Variants in RASGRF2 observed in about 807,000 individuals in gnomAD.
RASGRF2 encodes Ras protein specific guanine nucleotide releasing factor 2, also known as ras-specific guanine nucleotide-releasing factor 2.
A neutral mutation model predicts 151.0 loss-of-function variants in RASGRF2; 76 were observed. That is an observed-to-expected ratio of 0.50 (90% CI 0.42 to 0.61). The LOEUF (loss-of-function observed/expected upper bound fraction) is 0.61. Among genes scored for constraint, RASGRF2 ranks in the 20% least tolerant of loss-of-function variants. RASGRF2 has a pLI of 0.00. For missense variants in RASGRF2, 1,148 were observed against 1,564.6 expected, an observed-to-expected ratio of 0.73 and a Z score of 4.49; for synonymous variants, 504 against 566.5, an observed-to-expected ratio of 0.89 and a Z score of 1.57.
intron 1 of RASGRF2, among the ~76,000 whole-genome samples, chr5:81,038,335 T>A (rs1561571082): frequency 6.6e-6 from 1 of 152,194 alleles, no homozygotes; most frequent in African/African-American, 2.4e-5. Context: ...TATATAATTC[T>A]TTCCGGTGCT....
chr5:80,978,631 A>G (rs1367690935), intron 1 of RASGRF2, among the ~76,000 whole-genome samples: 1 of 152,114 alleles, frequency 6.6e-6, no homozygotes, highest in African/African-American at 2.4e-5. Context: ...TACTGAAAAT[A>G]TAAAAATTAG....
In RASGRF2 at chr5:81,096,481, G is replaced by A. The variant is rs376333331; in HGVS notation, c.1755+1489G>A. On this transcript the variant is annotated intron_variant, in intron 12 of 26. Transcript: ENST00000265080. ...ATAGGCAGGCTCATAGGGAGCAAAA[G>A]GAAGTAAACAGCTAAATGCAAAAAA... 2.6e-5 allele frequency: 4 copies of A among 152,178 alleles called. No individual in the cohort carries two copies. In the South Asian group the frequency reaches 8.3e-4, roughly 32 times the overall value. 9.4% of individuals were successfully genotyped at this position (152,178 alleles called of 1,614,324 possible). A position where few individuals can be genotyped will look rare whatever the true frequency, so the allele number is the denominator to read the frequency against.
At chr5:80,968,188 T>A (rs541586868) in intron 1 of RASGRF2, among the ~76,000 whole-genome samples, 59 of 152,362 alleles carry the variant, frequency 3.9e-4, no homozygotes, top group Admixed American at 8.5e-4. Context: ...TTCCTCTTTT[T>A]ATTTTCATTA....
chr5:81,177,395 CTTTAGAAA>C (rs1754799659), intron 17 of RASGRF2, among the ~76,000 whole-genome samples: 1 of 151,846 alleles, frequency 6.6e-6, no homozygotes, highest in Non-Finnish European at 1.5e-5. Context: ...GGCCTCTGGC[CTTTAGAAA>C]CTTAGAGATT....
intron 1 of RASGRF2, among the ~76,000 whole-genome samples, chr5:80,977,842 T>C (rs1162419734): frequency 6.6e-6 from 1 of 152,232 alleles, no homozygotes; most frequent in Admixed American, 6.5e-5. Context: ...AAAGTTTGGA[T>C]GCTACAGATG....
At chr5:81,046,666 G>A (rs34108) in intron 2 of RASGRF2, among the ~76,000 whole-genome samples, 2 of 151,952 alleles carry the variant, frequency 1.3e-5, no homozygotes, top group Non-Finnish European at 2.9e-5. Context: ...TGGAACTCTG[G>A]ACATAAAAAA....
intron 1 of RASGRF2, among the ~76,000 whole-genome samples, chr5:80,977,685 G>C (rs1324319070): frequency 6.6e-6 from 1 of 152,190 alleles, no homozygotes; most frequent in Non-Finnish European, 1.5e-5. Context: ...TCGAACTACT[G>C]ACCTCAGGTG....
At chr5:80,984,950 C>G (rs1239189268) in intron 1 of RASGRF2, among the ~76,000 whole-genome samples, 2 of 152,168 alleles carry the variant, frequency 1.3e-5, no homozygotes, top group Non-Finnish European at 2.9e-5. Context: ...TGGCTTATGC[C>G]TGTAATTCCA....
rs75850630 is a variant in RASGRF2 at position 81,047,664 on chromosome 5, G to T, written c.395+4681G>T. 8.9e-3 allele frequency among the ~76,000 whole-genome samples: 1,356 copies of T among 152,322 alleles called. 85 individuals are homozygous for T. The East Asian group carries it at 0.17, about 19-fold the overall frequency. On this transcript the variant is annotated intron_variant, in intron 2 of 26. Coordinates refer to ENST00000265080, the MANE Select transcript of RASGRF2 (RefSeq NM_006909.3). ...AAAGCTCACAGTCAGATGGTGTTTG[G>T]CAAGGGCCTGACCTAACCCTTTGTT... is the stretch of plus-strand genomic sequence containing the variant.
chr5:81,065,371 C>T (rs1016685245), intron 2 of RASGRF2, among the ~76,000 whole-genome samples: 2 of 152,072 alleles, frequency 1.3e-5, no homozygotes, highest in Non-Finnish European at 2.9e-5. Context: ...AAGCCTTTCC[C>T]TTCTTGGTTC....
At chr5:81,192,734 A>C (rs1481032539) in intron 18 of RASGRF2, among the ~76,000 whole-genome samples, 3 of 152,220 alleles carry the variant, frequency 2.0e-5, no homozygotes, top group Non-Finnish European at 2.9e-5. Context: ...GTTCATGAAC[A>C]TGAGGAATGC....
intron 15 of RASGRF2, among the ~76,000 whole-genome samples, chr5:81,117,926 A>C (rs544420155): frequency 1.3e-5 from 2 of 152,236 alleles, no homozygotes; most frequent in East Asian, 1.9e-4. Flanking sequence ...AACTCTTAAG[A>C]CTCCAGAATA....
At chr5:81,147,756 A>G (rs956205845) in intron 17 of RASGRF2, among the ~76,000 whole-genome samples, 8 of 152,180 alleles carry the variant, frequency 5.3e-5, no homozygotes, top group African/African-American at 1.9e-4. Context: ...CCTCCTCTCT[A>G]CAGATTTTGC....
intron 17 of RASGRF2, among the ~76,000 whole-genome samples, chr5:81,137,934 G>T (rs1171861403): frequency 1.3e-5 from 2 of 152,232 alleles, no homozygotes; most frequent in African/African-American, 4.8e-5. Context: ...TAGAGACTGA[G>T]AATGATAGGC....
chr5:81,208,528 CA>C, intron 22 of RASGRF2, 90 bp downstream of exon 22: 1 of 456,666 alleles, frequency 2.2e-6, no homozygotes, highest in Non-Finnish European at 3.6e-6. Flanking sequence ...GCAACTCTGT[CA>C]CCCACTTTTT....
At chr5:81,056,684 G>C (rs977308528) in intron 2 of RASGRF2, among the ~76,000 whole-genome samples, 3 of 152,094 alleles carry the variant, frequency 2.0e-5, no homozygotes, top group Non-Finnish European at 4.4e-5. Context: ...GGATATCCTT[G>C]TTAACTTTCT....
At chr5:81,093,508 C>T (rs754110175) in intron 10 of RASGRF2, among the ~76,000 whole-genome samples, 1 of 152,146 alleles carries the variant, frequency 6.6e-6, no homozygotes, top group East Asian at 1.9e-4. Flanking sequence ...AACTCCTAGA[C>T]TCAAGCAGTC....
At chr5:81,054,108 G>A (rs1192051793) in intron 2 of RASGRF2, among the ~76,000 whole-genome samples, 1 of 152,190 alleles carries the variant, frequency 6.6e-6, no homozygotes. Flanking sequence ...TTCTTTTGCT[G>A]TGCAGAAGCT....
intron 12 of RASGRF2, among the ~76,000 whole-genome samples, chr5:81,095,640 G>C (rs1044287644): frequency 8.5e-5 from 13 of 152,172 alleles, no homozygotes; most frequent in African/African-American, 2.9e-4. Flanking sequence ...TAGGGGAAAA[G>C]TGTTGCTATG....
Sources: allele counts gnomAD v4.1 joint callset (sites outside exome capture counted in the v4.1 genomes callset), GRCh38; gene constraint gnomAD v4.1.1; transcripts MANE v1.5; gene names NCBI Gene and HGNC (gene_info 2026-07-23, HGNC 2026-07-21).